Variants in SORCS2 observed in about 807,000 individuals in gnomAD.
The protein encoded by SORCS2 is VPS10 domain-containing receptor SorCS2.
Under a neutral mutation model 141.6 loss-of-function variants are expected in SORCS2, and 100 were observed. That is an observed-to-expected ratio of 0.71 (90% CI 0.60 to 0.83). The LOEUF (loss-of-function observed/expected upper bound fraction) is 0.83, where lower values mean the gene tolerates loss of function less well. Among genes scored for constraint, SORCS2 ranks in the 40% least tolerant of loss-of-function variants. The pLI, the probability that SORCS2 is intolerant of heterozygous loss-of-function variation, is 0.00. For synonymous variants in SORCS2, 789 were observed against 676.9 expected, an observed-to-expected ratio of 1.17 and a Z score of -2.57; for missense variants, 1,646 against 1,560.2, an observed-to-expected ratio of 1.05 and a Z score of -0.93.
intron 2 of SORCS2, among the ~76,000 whole-genome samples, chr4:7,397,292 T>C (rs553194556): frequency 6.6e-6 from 1 of 152,258 alleles, no homozygotes; most frequent in Admixed American, 6.5e-5. Flanking sequence ...TGTTGAAACA[T>C]GTCTGGAGTT....
intron 3 of SORCS2, among the ~76,000 whole-genome samples, chr4:7,556,064 G>A (rs1444593912): frequency 6.6e-6 from 1 of 152,200 alleles, no homozygotes; most frequent in Non-Finnish European, 1.5e-5. Context: ...AGCCAGTAAA[G>A]GATTTTAAAC....
intron 2 of SORCS2, among the ~76,000 whole-genome samples, chr4:7,446,854 T>C (rs4443286): frequency 0.27 from 41,334 of 152,136 alleles, 5,779 homozygotes; most frequent in South Asian, 0.39. Flanking sequence ...CACTAAGCCA[T>C]TGTGAATGTC....
intron 1 of SORCS2, among the ~76,000 whole-genome samples, chr4:7,250,747 C>T (rs753372961): frequency 5.3e-5 from 8 of 152,250 alleles, no homozygotes; most frequent in South Asian, 2.1e-4. Flanking sequence ...AGCGCTTTTG[C>T]GGCTGCAGTT....
At chr4:7,631,467 C>G (rs1035565818) in intron 3 of SORCS2, among the ~76,000 whole-genome samples, 2 of 152,056 alleles carry the variant, frequency 1.3e-5, no homozygotes, top group Non-Finnish European at 2.9e-5. Context: ...TCTTTTTGCA[C>G]AGTGTCGACT....
At chr4:7,351,382 T>C (rs1720929841) in intron 1 of SORCS2, among the ~76,000 whole-genome samples, 2 of 152,212 alleles carry the variant, frequency 1.3e-5, no homozygotes, top group African/African-American at 4.8e-5. Context: ...GGCACTTGCC[T>C]GTTCTCTGCT....
intron 1 of SORCS2, among the ~76,000 whole-genome samples, chr4:7,342,253 G>C (rs903417744): frequency 4.6e-5 from 7 of 152,184 alleles, no homozygotes; most frequent in African/African-American, 1.7e-4. Context: ...ACATGGGTCT[G>C]CCTCCTCCCC....
chr4:7,314,261 T>C (rs574982462), intron 1 of SORCS2, among the ~76,000 whole-genome samples: 7 of 152,160 alleles, frequency 4.6e-5, no homozygotes, highest in African/African-American at 1.7e-4. Context: ...GGCAGCGGGA[T>C]GCGACATGCA....
At chr4:7,454,192 C>T (rs1378784985) in intron 2 of SORCS2, among the ~76,000 whole-genome samples, 46 of 101,856 alleles carry the variant, frequency 4.5e-4, no homozygotes, top group Admixed American at 3.8e-3. Context: ...GTGTTGGGGT[C>T]AGGTGCTGTG....
chr4:7,598,835 C>T (rs1316448623), intron 3 of SORCS2, among the ~76,000 whole-genome samples: 3 of 151,458 alleles, frequency 2.0e-5, no homozygotes, highest in Non-Finnish European at 4.4e-5. Flanking sequence ...GCTGTGTTCT[C>T]CCCCCCAGGC....
chr4:7,706,322 C>CTGT lies in SORCS2; in HGVS notation c.1868+2038_1868+2039insTGT, dbSNP rs1560498853. Among the ~76,000 whole-genome samples the CTGT allele has an allele frequency of 7.5e-3, 1,002 of 133,706 alleles. 362 individuals carry two copies. Among genetic ancestry groups the CTGT allele is most frequent in the Non-Finnish European group, 0.011 (667 of 62,216 alleles). 87.7% of individuals were successfully genotyped at this position (133,706 alleles called of 152,430 possible). A position where few individuals can be genotyped will look rare whatever the true frequency, so the allele number is the denominator to read the frequency against. On this transcript the variant is annotated intron_variant, in intron 14 of 26. Transcript: ENST00000507866. ...GTCTGGGCAGGGATGAGGCTGGGCT[C>CTGT]CGTCTGGGCAGGGATGAGGCTGGGC... is the stretch of plus-strand genomic sequence containing the variant.
intron 10 of SORCS2, among the ~76,000 whole-genome samples, chr4:7,686,254 C>T (rs1376247814): frequency 6.6e-6 from 1 of 152,192 alleles, no homozygotes; most frequent in African/African-American, 2.4e-5. Flanking sequence ...AATCTGTTTG[C>T]ATCTTGAATT....
intron 12 of SORCS2, among the ~76,000 whole-genome samples, chr4:7,699,820 C>T (rs35870144): frequency 0.052 from 7,847 of 152,264 alleles, 290 homozygotes; most frequent in Middle Eastern, 0.082. Flanking sequence ...AGATGTTCCC[C>T]GAGACAGAGA....
chr4:7,348,704 A>G (rs1043680147), intron 1 of SORCS2, among the ~76,000 whole-genome samples: 2 of 152,130 alleles, frequency 1.3e-5, no homozygotes, highest in African/African-American at 4.8e-5. Flanking sequence ...GGGGCGCACC[A>G]CCATGTCTGG....
At chr4:7,606,527 C>G (rs1191057271) in intron 3 of SORCS2, among the ~76,000 whole-genome samples, 4 of 152,062 alleles carry the variant, frequency 2.6e-5, no homozygotes. Context: ...TTCCAGAGCT[C>G]CTCTGTCAGA....
intron 12 of SORCS2, among the ~76,000 whole-genome samples, chr4:7,700,250 T>C (rs1355890620): frequency 6.6e-6 from 1 of 152,236 alleles, no homozygotes; most frequent in African/African-American, 2.4e-5. Context: ...AAAATGTCAT[T>C]TGTCCACAAA....
rs1726306673 is a variant in SORCS2, at chr4:7,718,000, T to C, written c.2253-12T>C. ...GTCTGAAGCGGACCCTGACCCTCTC[T>C]TGTCAATCCAGGTACCGGAAAGTGG... is the stretch of plus-strand genomic sequence containing the variant. On this transcript the variant is annotated splice_polypyrimidine_tract_variant and intron_variant, in intron 17 of 26. Transcript: ENST00000507866. 3 of 1,593,994 alleles carry C rather than the reference T, an allele frequency of 1.9e-6. No homozygotes were observed. The African/African-American group carries it at 4.0e-5, about 22-fold the overall frequency.
chr4:7,366,971 G>A (rs545478395), intron 1 of SORCS2, among the ~76,000 whole-genome samples: 1 of 152,328 alleles, frequency 6.6e-6, no homozygotes, highest in South Asian at 2.1e-4. Flanking sequence ...AAATTCAGAG[G>A]AGCAATCTTA....
intron 1 of SORCS2, among the ~76,000 whole-genome samples, chr4:7,354,479 G>A (rs1205266945): frequency 1.3e-5 from 2 of 152,070 alleles, no homozygotes; most frequent in Admixed American, 6.5e-5. Flanking sequence ...AAGCATCAGC[G>A]TAGGATTCAG....
intron 1 of SORCS2, among the ~76,000 whole-genome samples, chr4:7,262,238 C>T (rs868769687): frequency 7.0e-6 from 1 of 143,420 alleles, no homozygotes; most frequent in East Asian, 2.1e-4. Context: ...ACACATCCAT[C>T]GATTCATCCA....
Sources: gnomAD v4.1 joint callset for allele counts (sites outside exome capture counted in the v4.1 genomes callset) on GRCh38, gnomAD v4.1.1 for gene constraint, MANE v1.5 for transcripts, NCBI Gene and HGNC (gene_info 2026-07-23, HGNC 2026-07-21) for gene names.